The following ATAD2 variants were observed in gnomAD, a reference collection of about 807,000 sequenced individuals.
ATAD2 encodes the protein ATPase family AAA domain-containing protein 2.
Under a neutral mutation model 168.9 loss-of-function variants are expected in ATAD2, and 62 were observed. The ratio of observed to expected loss-of-function variants is 0.37; its 90% confidence interval spans 0.30 to 0.45. The LOEUF (loss-of-function observed/expected upper bound fraction) is 0.45. ATAD2 is among the 20% of genes least tolerant of loss of function. The probability of loss-of-function intolerance (pLI) is 1.00; values close to 1 mark genes in which losing one functional copy is unlikely to be tolerated. For synonymous variants in ATAD2, 613 were observed against 571.6 expected (o/e 1.07, Z -1.03); for missense variants, 1,419 against 1,667.8 (o/e 0.85, Z 2.60).
intron 1 of ATAD2, among the ~76,000 whole-genome samples, chr8:123,382,206 A>G (rs1350954948): frequency 6.6e-6 from 1 of 152,226 alleles, no homozygotes; most frequent in Non-Finnish European, 1.5e-5. Context: ...ATCACATCCC[A>G]GGCTGGCTTT....
At chr8:123,396,835 T>C (rs916165552), upstream of ATAD2, among the ~76,000 whole-genome samples, 25 of 151,886 alleles carry the variant, frequency 1.6e-4, no homozygotes, top group Non-Finnish European at 2.1e-4. Context: ...GCTTGCTGCT[T>C]CCCGCCATCC....
intron 1 of ATAD2, 111 bp from the exon 2 acceptor site, chr8:123,380,788 A>C: frequency 1.9e-6 from 2 of 1,076,386 alleles, no homozygotes; most frequent in Non-Finnish European, 2.6e-6. Flanking sequence ...CTTTTTGTGC[A>C]GAATCATTTT....
chr8:123,400,588 C>G, upstream of ATAD2: 1 of 552,548 alleles, frequency 1.8e-6, no homozygotes, highest in Non-Finnish European at 3.4e-6. The surrounding 1 kb of genome is among the most constrained non-coding windows in gnomAD (Gnocchi z 4.5). Flanking sequence ...GACAGACTAC[C>G]TGATGAGCCA....
intron 8 of ATAD2, among the ~76,000 whole-genome samples, chr8:123,364,854 G>A (rs1445367122): frequency 1.3e-5 from 2 of 152,142 alleles, no homozygotes; most frequent in Non-Finnish European, 2.9e-5. Context: ...CATTCCCTCT[G>A]AGAACTGGAA....
chr8:123,363,864 TAA>T (rs1400336488), intron 8 of ATAD2, among the ~76,000 whole-genome samples: 4 of 152,182 alleles, frequency 2.6e-5, no homozygotes, highest in Admixed American at 6.5e-5. Context: ...CCAGGTTAAA[TAA>T]TTTACTCAAA....
intron 13 of ATAD2, among the ~76,000 whole-genome samples, chr8:123,351,439 G>T (rs572139538): frequency 6.6e-6 from 1 of 152,220 alleles, no homozygotes; most frequent in Non-Finnish European, 1.5e-5. Context: ...CTAGATATCT[G>T]TCCCTTCGGG....
At chr8:123,393,548 T>C (rs1812692646) in intron 1 of ATAD2, among the ~76,000 whole-genome samples, 1 of 151,488 alleles carries the variant, frequency 6.6e-6, no homozygotes, top group African/African-American at 2.4e-5. Context: ...AACTGACTGT[T>C]GAGGGAAGGT....
intron 13 of ATAD2, among the ~76,000 whole-genome samples, chr8:123,350,774 G>C (rs1213353050): frequency 6.6e-6 from 1 of 151,852 alleles, no homozygotes; most frequent in African/African-American, 2.4e-5. Context: ...TCCCAGGCTG[G>C]AGTGCAGTGG....
At chr8:123,380,315 A>G (rs1829458707) in intron 2 of ATAD2, among the ~76,000 whole-genome samples, 1 of 152,036 alleles carries the variant, frequency 6.6e-6, no homozygotes, top group South Asian at 2.1e-4. Context: ...GGCCTCCCAA[A>G]GTGCTGGGAT....
intron 1 of ATAD2, among the ~76,000 whole-genome samples, chr8:123,392,937 C>A (rs1410311465): frequency 3.3e-5 from 5 of 152,178 alleles, no homozygotes; most frequent in African/African-American, 7.2e-5. Flanking sequence ...CTAATCCCAG[C>A]ACTTTGGGAG....
intron 26 of ATAD2, 58 bp from the exon 27 acceptor site, chr8:123,323,124 C>T: frequency 2.0e-6 from 3 of 1,519,538 alleles, no homozygotes; most frequent in Non-Finnish European, 2.7e-6. Flanking sequence ...AGACAAGATA[C>T]TTAATTTAGA....
At position 123,386,491 on chromosome 8, in the gene ATAD2, G is replaced by C. The variant is rs944227649; in HGVS notation, c.172-5814C>G. ...TTCAGAGACAGAAAGTAGAACAGTG[G>C]TTGCCAGGGACTAGGAGGAGAGAGG... is the stretch of plus-strand genomic sequence containing the variant. On this transcript the variant is annotated intron_variant, in intron 1 of 27. Transcript: ENST00000287394. 7.2e-5 allele frequency among the ~76,000 whole-genome samples: 11 copies of C among 152,124 alleles called. No homozygotes were observed. In the South Asian group the frequency reaches 2.3e-3, roughly 31 times the overall value.
chr8:123,334,187 A>T lies in ATAD2; in HGVS notation c.3334+13T>A. On this transcript the variant is annotated intron_variant, in intron 23 of 27. Transcript: ENST00000287394. ...TATTAGGTTGGTACAAATCAACCAAATCACTTTCCTACCTCTTTTCTTTCT... is the reference window on the plus strand; with the variant it reads ...TATTAGGTTGGTACAAATCAACCAATTCACTTTCCTACCTCTTTTCTTTCT... 6.4e-7 allele frequency: 1 copy of T among 1,570,622 alleles called. No individual in the cohort carries two copies. The highest frequency in any genetic ancestry group is 8.6e-7 in the Non-Finnish European group (1 of 1,165,668).
chr8:123,361,934 T>C (rs568047490), intron 8 of ATAD2, among the ~76,000 whole-genome samples: 1 of 152,260 alleles, frequency 6.6e-6, no homozygotes, highest in East Asian at 1.9e-4. Context: ...ATAAATCAGT[T>C]ATTCTCAAAG....
rs1045408442 is a variant in ATAD2 at position 123,328,721 on chromosome 8, G to C, written c.3479-142C>G. ...TGATTAAAATACAGAAACAAGAATA[G>C]AGCATACTGTGAGAAGGTGGAGAAG... On this transcript the variant is annotated intron_variant, in intron 24 of 27. Transcript: ENST00000287394. 9 of 875,214 alleles carry C rather than the reference G, an allele frequency of 1.0e-5. No homozygotes were observed. The East Asian group carries it at 2.8e-4, about 27-fold the overall frequency. The allele number at this position is 875,214 out of a possible 1,614,324, so 54.2% of individuals were successfully genotyped here.
chr8:123,404,651 C>G (rs940376670), intron 1 of ATAD2, among the ~76,000 whole-genome samples: 2 of 151,770 alleles, frequency 1.3e-5, no homozygotes, highest in African/African-American at 4.8e-5. Context: ...ACTGCAACCT[C>G]TGCCTCCCGG....
intron 1 of ATAD2, among the ~76,000 whole-genome samples, chr8:123,385,625 CA>C (rs1373598193): frequency 6.6e-6 from 1 of 151,984 alleles, no homozygotes; most frequent in Non-Finnish European, 1.5e-5. Context: ...ACCAAAAGCA[CA>C]GACAACAAAA....
intron 16 of ATAD2, 112 bp from the exon 17 acceptor site, chr8:123,346,862 AT>A: frequency 4.8e-6 from 6 of 1,243,682 alleles, no homozygotes; most frequent in Non-Finnish European, 6.8e-6. Context: ...AGAATCAAAA[AT>A]ATTTGTGTAG....
Position 123,323,049 on chromosome 8 carries a change from A to C in ATAD2, c.4020T>G (p.Val1340=). ...HERLKNLLKT[V]VKKSQNYNIF... is the part of the protein sequence containing the mutation. ...TGTTGTAGTTTTGACTTTTTTTAAC[A>C]ACAGTCTTCAAAAGATTCTAAAAGA... is the stretch of plus-strand genomic sequence containing the variant. Residue 1340 remains valine (V), a synonymous_variant, in exon 27 of 28, where the codon GTT becomes GTG. Coordinates refer to ENST00000287394, the MANE Select transcript of ATAD2 (RefSeq NM_014109.4). 1.9e-6 allele frequency: 3 copies of C among 1,611,218 alleles called. No homozygotes were observed. Among genetic ancestry groups the C allele is most frequent in the Non-Finnish European group, 2.5e-6 (3 of 1,178,166 alleles).
Sources: gnomAD v4.1 joint callset for allele counts (sites outside exome capture counted in the v4.1 genomes callset) on GRCh38, gnomAD v4.1.1 for gene constraint, Gnocchi (gnomAD v3.1) non-coding constraint, MANE v1.5 for transcripts, NCBI Gene and HGNC (gene_info 2026-07-23, HGNC 2026-07-21) for gene names.